The following SCLT1 variants were observed in gnomAD, a reference collection of about 807,000 sequenced individuals.
SCLT1 encodes the protein sodium channel and clathrin linker 1, also known as sodium channel-associated protein 1.
Under a neutral mutation model 112.8 loss-of-function variants are expected in SCLT1, and 78 were observed. That is an observed-to-expected ratio of 0.69 (90% CI 0.58 to 0.83). SCLT1 has a LOEUF of 0.83. SCLT1 is among the 40% of genes least tolerant of loss of function. The pLI is 0.00. For missense variants in SCLT1, 747 were observed against 770.4 expected, an observed-to-expected ratio of 0.97 and a Z score of 0.36; for synonymous variants, 257 against 254.7, an observed-to-expected ratio of 1.01 and a Z score of -0.09.
At position 128,946,274 on chromosome 4, in the gene SCLT1, G is replaced by A. The variant is rs75228618; in HGVS notation, c.1294-122C>T. The A allele has an allele frequency of 7.1e-3, 3,847 of 542,602 alleles. 94 individuals are homozygous for A. Among genetic ancestry groups the A allele is most frequent in the African/African-American group, 0.057 (2,949 of 51,858 alleles). The allele number at this position is 542,602 out of a possible 1,614,324, so 33.6% of individuals were successfully genotyped here. On this transcript the variant is annotated intron_variant, in intron 15 of 20. Coordinates refer to ENST00000281142, the MANE Select transcript of SCLT1 (RefSeq NM_144643.4). ...GATTATGTGTTCATTTGTTCTGACC[G>A]TAACATATGAAACATATCAATAATT...
At chr4:129,065,248 C>T (rs1424396812) in intron 2 of SCLT1, among the ~76,000 whole-genome samples, 1 of 151,976 alleles carries the variant, frequency 6.6e-6, no homozygotes, top group Non-Finnish European at 1.5e-5. Flanking sequence ...TTTCATATCA[C>T]TAGGCCTATG....
At chr4:129,091,464 A>G (rs1752815353) in intron 1 of SCLT1, among the ~76,000 whole-genome samples, 1 of 151,882 alleles carries the variant, frequency 6.6e-6, no homozygotes, top group South Asian at 2.1e-4. Context: ...TTCTGGCTGG[A>G]TCATTCTTAT....
chr4:129,062,806 G>A (rs1750110683), intron 2 of SCLT1, among the ~76,000 whole-genome samples: 1 of 152,074 alleles, frequency 6.6e-6, no homozygotes, highest in South Asian at 2.1e-4. Flanking sequence ...TTCTCTTGCT[G>A]CTTTTAGAAT....
intron 2 of SCLT1, among the ~76,000 whole-genome samples, chr4:129,071,493 A>C (rs932955086): frequency 2.6e-5 from 4 of 152,140 alleles, no homozygotes; most frequent in African/African-American, 9.7e-5. Flanking sequence ...AGATTGTGAT[A>C]TCTTCCTGTT....
Position 128,936,835 on chromosome 4 carries a change from T to C in SCLT1, c.1649A>G (p.His550Arg), listed in dbSNP as rs776998041. 1.0e-5 allele frequency: 16 copies of C among 1,565,700 alleles called. No individual in the cohort carries two copies. The South Asian group carries it at 1.8e-4, about 18-fold the overall frequency. Residue 550 changes from histidine (H) to arginine (R), a missense_variant, in exon 18 of 21, where the codon CAT becomes CGT. By Grantham distance (29) the His-to-Arg change is conservative. Transcript: ENST00000281142. ...KAKVKISTME[H>R]EFSIKERGFE... is the part of the protein sequence containing the mutation. ...TCCACGTTCCTTTATTGAAAATTCA[T>C]GTTCCATTGTACTGATCTAAAGAAT... is the stretch of plus-strand genomic sequence containing the variant.
chr4:128,975,715 AG>A (rs894410125), intron 9 of SCLT1, among the ~76,000 whole-genome samples: 9 of 152,230 alleles, frequency 5.9e-5, no homozygotes, highest in Non-Finnish European at 1.2e-4. Context: ...GTAATTACCC[AG>A]TATAATAAAG....
intron 8 of SCLT1, among the ~76,000 whole-genome samples, chr4:128,997,609 G>C (rs143824547): frequency 5.8e-4 from 88 of 151,838 alleles, no homozygotes; most frequent in Middle Eastern, 3.4e-3. Context: ...CTCTACTCTT[G>C]AGGAACTCAC....
intron 13 of SCLT1, among the ~76,000 whole-genome samples, chr4:128,953,469 G>T (rs1363397954): frequency 6.6e-6 from 1 of 152,088 alleles, no homozygotes; most frequent in Non-Finnish European, 1.5e-5. Context: ...AAGTAGGTGT[G>T]ACCTTGTGGC....
intron 4 of SCLT1, chr4:129,039,914 A>G (rs959036310): frequency 4.7e-6 from 2 of 425,280 alleles, no homozygotes; most frequent in South Asian, 3.4e-5. Flanking sequence ...ACACACACAC[A>G]CACACACACA....
chr4:129,051,999 C>G (rs1037253079), intron 2 of SCLT1, among the ~76,000 whole-genome samples: 1 of 151,976 alleles, frequency 6.6e-6, no homozygotes, highest in Non-Finnish European at 1.5e-5. Flanking sequence ...TGGTTTTTGT[C>G]ACTGCTTCTG....
chr4:128,928,353 A>G (rs1356630113), intron 18 of SCLT1, among the ~76,000 whole-genome samples: 1 of 152,188 alleles, frequency 6.6e-6, no homozygotes, highest in Non-Finnish European at 1.5e-5. Context: ...AGATAAAAAT[A>G]TATTAAATAA....
At chr4:129,055,325 C>A (rs1749254593) in intron 2 of SCLT1, among the ~76,000 whole-genome samples, 1 of 152,204 alleles carries the variant, frequency 6.6e-6, no homozygotes, top group South Asian at 2.1e-4. Context: ...TCAGGATCTG[C>A]TGCACTCTTC....
intron 2 of SCLT1, among the ~76,000 whole-genome samples, chr4:129,050,664 C>G (rs1350711855): frequency 6.6e-6 from 1 of 152,178 alleles, no homozygotes; most frequent in East Asian, 1.9e-4. Flanking sequence ...CAAAAATATT[C>G]TCCCATTCTG....
chr4:128,920,051 G>GCCATAATCAT (rs532745634), intron 18 of SCLT1, among the ~76,000 whole-genome samples: 133 of 152,172 alleles, frequency 8.7e-4, no homozygotes, highest in Non-Finnish European at 1.7e-3. Flanking sequence ...ATTCTATGAG[G>GCCATAATCAT]CCATAATCAT....
At chr4:129,028,254 T>C (rs1746323300) in intron 5 of SCLT1, among the ~76,000 whole-genome samples, 1 of 152,148 alleles carries the variant, frequency 6.6e-6, no homozygotes, top group African/African-American at 2.4e-5. Flanking sequence ...GCTGGAGGCA[T>C]CACGCTACCT....
At chr4:129,049,045 G>A (rs1210073362) in intron 2 of SCLT1, among the ~76,000 whole-genome samples, 1 of 151,926 alleles carries the variant, frequency 6.6e-6, no homozygotes, top group African/African-American at 2.4e-5. Context: ...CTGTAAACTA[G>A]TTCAACCATT....
Position 129,039,035 on chromosome 4 carries a change from A to T in SCLT1, c.290+6T>A, listed in dbSNP as rs527614791. 1.6e-5 allele frequency: 24 copies of T among 1,487,456 alleles called. No homozygotes were observed. Among genetic ancestry groups the T allele is most frequent in the African/African-American group, 1.4e-4 (10 of 72,496 alleles). 92.1% of individuals were successfully genotyped at this position (1,487,456 alleles called of 1,614,324 possible). On this transcript the variant is annotated splice_donor_region_variant and intron_variant, in intron 5 of 20. Coordinates refer to ENST00000281142, the MANE Select transcript of SCLT1 (RefSeq NM_144643.4). ...AAAAGATAAAACCAATAGTTAATTG[A>T]TTTACCTTTCATTTTCCTTGATGAC...
Position 128,895,925 on chromosome 4 carries a change from G to A in SCLT1, c.1830-4788C>T, listed in dbSNP as rs572198452. ...TGGCTTGAAGGGTCCTATGCCCACG[G>A]AGCCTCGCTCATTGCTAGCACAGCA... On this transcript the variant is annotated intron_variant, in intron 18 of 20. Transcript: ENST00000281142. Among the ~76,000 whole-genome samples, 3 of 152,348 alleles carry A rather than the reference G, an allele frequency of 2.0e-5. No homozygotes were observed. In the East Asian group the frequency reaches 5.8e-4, roughly 29 times the overall value.
chr4:128,945,453 C>T (rs1738068204), intron 16 of SCLT1, among the ~76,000 whole-genome samples: 1 of 151,976 alleles, frequency 6.6e-6, no homozygotes, highest in South Asian at 2.1e-4. Flanking sequence ...TAAAAAAAAT[C>T]TTTATTAATT....
Sources: allele counts gnomAD v4.1 joint callset (sites outside exome capture counted in the v4.1 genomes callset), GRCh38; gene constraint gnomAD v4.1.1; transcripts MANE v1.5; gene names NCBI Gene and HGNC (gene_info 2026-07-23, HGNC 2026-07-21).